The following IPMK variants were observed in gnomAD, a reference collection of about 807,000 sequenced individuals.
The protein encoded by IPMK is inositol 1,3,4,6-tetrakisphosphate 5-kinase.
A neutral mutation model predicts 45.8 loss-of-function variants in IPMK; 17 were observed. The observed-to-expected ratio is 0.37, with a 90% CI of 0.25 to 0.56. The LOEUF (loss-of-function observed/expected upper bound fraction) is 0.56, where lower values mean the gene tolerates loss of function less well. Among genes scored for constraint, IPMK ranks in the 20% least tolerant of loss-of-function variants. The probability of loss-of-function intolerance (pLI) is 0.79; values close to 1 mark genes in which losing one functional copy is unlikely to be tolerated. For synonymous variants in IPMK, 180 were observed against 184.3 expected (o/e 0.98, Z 0.19); for missense variants, 399 against 498.0 (o/e 0.80, Z 1.89).
chr10:58,223,525 C>T (rs1838369098), intron 3 of IPMK, among the ~76,000 whole-genome samples: 1 of 152,146 alleles, frequency 6.6e-6, no homozygotes, highest in Non-Finnish European at 1.5e-5. Context: ...ATATGGGTTT[C>T]AAATTTCATT....
At chr10:58,265,864 T>C (rs191316643) in intron 1 of IPMK, among the ~76,000 whole-genome samples, 2 of 152,218 alleles carry the variant, frequency 1.3e-5, no homozygotes, top group Non-Finnish European at 2.9e-5. Flanking sequence ...ATTATTTAGA[T>C]TGTTTTTATG....
intron 1 of IPMK, among the ~76,000 whole-genome samples, chr10:58,252,297 G>A (rs1838892094): frequency 6.6e-6 from 1 of 152,046 alleles, no homozygotes; most frequent in African/African-American, 2.4e-5. Context: ...TACTTTGACT[G>A]TTTCAATTTA....
At position 58,193,848 on chromosome 10, in the gene IPMK, C is replaced by T. The variant is rs1837851793; in HGVS notation, c.*2228G>A. The T allele has an allele frequency of 1.3e-5, 2 of 151,742 alleles. No individual in the cohort carries two copies. The highest frequency in any genetic ancestry group is 4.1e-4 in the South Asian group (2 of 4,834). 9.4% of individuals were successfully genotyped at this position (151,742 alleles called of 1,614,324 possible). On this transcript the variant is annotated 3_prime_UTR_variant, in exon 6 of 6. Coordinates refer to ENST00000373935, the MANE Select transcript of IPMK (RefSeq NM_152230.5). ...TGACCGAGAGAGACTAAGATAGTCA[C>T]ATGTAGATTAGATAAACAGATACTT...
chr10:58,253,734 CAAAAAAAA>C (rs1183304261), intron 1 of IPMK, among the ~76,000 whole-genome samples: 1 of 49,886 alleles, frequency 2.0e-5, no homozygotes, highest in Admixed American at 2.0e-4. Flanking sequence ...ACTCCATCTC[CAAAAAAAA>C]AAAAAAAAGA....
intron 1 of IPMK, among the ~76,000 whole-genome samples, chr10:58,264,952 C>G (rs2590363): frequency 0.34 from 51,470 of 152,006 alleles, 10,958 homozygotes; most frequent in African/African-American, 0.61. Context: ...GTGATTGCCC[C>G]TGGGAGAATG....
chr10:58,197,161 A>G (rs1176977275), intron 5 of IPMK, among the ~76,000 whole-genome samples: 1 of 151,114 alleles, frequency 6.6e-6, no homozygotes, highest in East Asian at 2.0e-4. Flanking sequence ...TTAGCCGGGG[A>G]TGGTGGCGGG....
chr10:58,236,138 C>T (rs1036068293), intron 2 of IPMK, among the ~76,000 whole-genome samples: 1 of 151,468 alleles, frequency 6.6e-6, no homozygotes, highest in African/African-American at 2.4e-5. Context: ...ACCATGTTGA[C>T]CAGGCTGATC....
intron 2 of IPMK, among the ~76,000 whole-genome samples, chr10:58,232,856 CA>C (rs1414848482): frequency 6.6e-6 from 1 of 152,008 alleles, no homozygotes. Flanking sequence ...GGGACAGACA[CA>C]AAAAACCCTT....
intron 1 of IPMK, among the ~76,000 whole-genome samples, chr10:58,258,180 C>T (rs557676194): frequency 7.3e-4 from 111 of 152,080 alleles, no homozygotes; most frequent in African/African-American, 2.6e-3. Context: ...CATGGTGGTG[C>T]GTGCCTGTAA....
intron 1 of IPMK, among the ~76,000 whole-genome samples, chr10:58,256,751 T>C (rs1838974382): frequency 6.6e-6 from 1 of 152,156 alleles, no homozygotes; most frequent in Admixed American, 6.5e-5. Flanking sequence ...ACTCTTTCTC[T>C]TTATTTGTCA....
At chr10:58,242,149 TGTTAAAATAATCAG>T (rs1429872354) in intron 1 of IPMK, among the ~76,000 whole-genome samples, 4 of 152,018 alleles carry the variant, frequency 2.6e-5, no homozygotes, top group African/African-American at 7.3e-5. Flanking sequence ...ATGACAGTGA[TGTTAAAATAATCAG>T]ACAGGGGAAC....
At chr10:58,262,383 T>C (rs969576467) in intron 1 of IPMK, among the ~76,000 whole-genome samples, 11 of 152,170 alleles carry the variant, frequency 7.2e-5, no homozygotes, top group African/African-American at 2.7e-4. Flanking sequence ...GGGTTCTTAC[T>C]ACAGAAGAAG....
intron 2 of IPMK, among the ~76,000 whole-genome samples, chr10:58,230,570 T>C (rs1411432144): frequency 6.6e-6 from 1 of 152,192 alleles, no homozygotes; most frequent in Non-Finnish European, 1.5e-5. Flanking sequence ...CCAACAGACC[T>C]GGAGCTGAGG....
At chr10:58,257,366 G>A (rs574152509) in intron 1 of IPMK, among the ~76,000 whole-genome samples, 6 of 152,182 alleles carry the variant, frequency 3.9e-5, no homozygotes, top group African/African-American at 1.2e-4. Flanking sequence ...ATGGTGGCAT[G>A]TGCCTGTAGT....
intron 1 of IPMK, among the ~76,000 whole-genome samples, chr10:58,257,712 G>A (rs1838993546): frequency 6.6e-6 from 1 of 152,048 alleles, no homozygotes; most frequent in Non-Finnish European, 1.5e-5. Context: ...TGAGTTAAAA[G>A]TGAAAGAATG....
intron 4 of IPMK, among the ~76,000 whole-genome samples, chr10:58,211,966 A>T (rs1838172220): frequency 6.7e-6 from 1 of 150,032 alleles, no homozygotes; most frequent in African/African-American, 2.5e-5. Context: ...CAAGAGGGAT[A>T]ATGAGTGTGT....
rs1380615207 is a variant in IPMK, at chr10:58,192,660, G to T, written c.*3416C>A. 1.3e-5 allele frequency: 2 copies of T among 151,866 alleles called. No individual in the cohort carries two copies. The highest frequency in any genetic ancestry group is 1.9e-4 in the East Asian group (1 of 5,186). The allele number at this position is 151,866 out of a possible 1,614,324, so 9.4% of individuals were successfully genotyped here. A position where few individuals can be genotyped will look rare whatever the true frequency, so the allele number is the denominator to read the frequency against. On this transcript the variant is annotated 3_prime_UTR_variant, in exon 6 of 6. Transcript: ENST00000373935. ...CGTTTGGTTCACAGTTGTAATACTGGGGGCTAAAAATGCTTAATACATGGC... is the reference window on the plus strand; with the variant it reads ...CGTTTGGTTCACAGTTGTAATACTGTGGGCTAAAAATGCTTAATACATGGC...
At chr10:58,237,866 G>A in intron 1 of IPMK, 52 bp from the exon 2 acceptor site, 1 of 1,317,918 alleles carries the variant, frequency 7.6e-7, no homozygotes. Context: ...AGTAAACCTT[G>A]CTTCATTAAA....
chr10:58,226,663 G>A (rs939623752), intron 3 of IPMK, among the ~76,000 whole-genome samples: 7 of 152,268 alleles, frequency 4.6e-5, no homozygotes, highest in African/African-American at 1.4e-4. Flanking sequence ...GGTGAGGGAT[G>A]AAGGAACAGG....
Sources: allele counts gnomAD v4.1 joint callset (sites outside exome capture counted in the v4.1 genomes callset), GRCh38; gene constraint gnomAD v4.1.1; transcripts MANE v1.5; gene names NCBI Gene and HGNC (gene_info 2026-07-23, HGNC 2026-07-21).